DNAI3: variants seen among roughly 807,000 people sequenced by gnomAD.
DNAI3 encodes the protein dynein axonemal intermediate chain 3, also known as WD repeat domain 63.
In DNAI3, 83 loss-of-function variants were observed where a neutral mutation model predicts 115.5. The observed-to-expected ratio is 0.72, with a 90% confidence interval of 0.60 to 0.86. The LOEUF is 0.86. DNAI3 is among the 40% of genes least tolerant of loss of function. DNAI3 has a pLI of 0.00. For synonymous variants in DNAI3, 320 were observed against 347.0 expected (o/e 0.92, Z 0.86); for missense variants, 1,004 against 1,075.8 (o/e 0.93, Z 0.93).
chr1:85,083,074 A>G (rs1343864441), intron 5 of DNAI3, among the ~76,000 whole-genome samples: 1 of 152,196 alleles, frequency 6.6e-6, no homozygotes, highest in East Asian at 1.9e-4. Context: ...CCAATCTTCC[A>G]TTCCTGTTTG....
At chr1:85,111,515 G>C (rs1655661846) in intron 16 of DNAI3, among the ~76,000 whole-genome samples, 1 of 152,192 alleles carries the variant, frequency 6.6e-6, no homozygotes, top group Admixed American at 6.5e-5. Flanking sequence ...CTAGGCCCCA[G>C]GGGTACGATG....
chr1:85,113,140 G>T (rs1655707051), intron 16 of DNAI3, among the ~76,000 whole-genome samples: 1 of 152,168 alleles, frequency 6.6e-6, no homozygotes, highest in Admixed American at 6.5e-5. Context: ...CTCAGGACTA[G>T]TGATATGTGA....
At chr1:85,085,240 A>G (rs1348449632) in intron 6 of DNAI3, among the ~76,000 whole-genome samples, 1 of 152,176 alleles carries the variant, frequency 6.6e-6, no homozygotes, top group African/African-American at 2.4e-5. Flanking sequence ...AGCCTCCACA[A>G]CTGTAAGAGA....
chr1:85,073,085 G>T lies in DNAI3; in HGVS notation c.96G>T (p.Glu32Asp). ...ASEDMEPVNM[E>D]SMGHPEIYPL... ...AAGACATGGAACCAGTAAATATGGA[G>T]AGCATGGGTAAGTGGAAATATAATT... is the stretch of plus-strand genomic sequence containing the variant. The change falls in exon 3 of 23, where the codon GAG becomes GAT. Residue 32 changes from glutamate (E) to aspartate (D), a missense_variant. This residue lies in a region of DNAI3 where 550 missense variants were observed against 568.1 expected (regional missense o/e 0.97). Coordinates refer to ENST00000294664, the MANE Select transcript of DNAI3 (RefSeq NM_145172.5). The T allele has an allele frequency of 6.5e-7, 1 of 1,546,680 alleles. No homozygotes were observed. The highest frequency in any genetic ancestry group is 8.7e-7 in the Non-Finnish European group (1 of 1,144,718).
intron 22 of DNAI3, among the ~76,000 whole-genome samples, chr1:85,131,801 A>G (rs996524594): frequency 2.6e-5 from 4 of 152,372 alleles, no homozygotes; most frequent in East Asian, 1.9e-4. Flanking sequence ...CTAATTATCT[A>G]CATCAGTGGG....
chr1:85,087,434 CAAAAAAA>C (rs1162431713), intron 7 of DNAI3, among the ~76,000 whole-genome samples: 7 of 46,662 alleles, frequency 1.5e-4, no homozygotes, highest in African/African-American at 4.3e-4. Context: ...GACTCCATCT[CAAAAAAA>C]AAAAAAAAAA....
chr1:85,068,961 G>C (rs1654181762), intron 1 of DNAI3, among the ~76,000 whole-genome samples: 1 of 152,210 alleles, frequency 6.6e-6, no homozygotes, highest in Non-Finnish European at 1.5e-5. Flanking sequence ...AATAAGGCCT[G>C]CTTCTTCAGC....
chr1:85,117,688 C>G (rs764499267), intron 16 of DNAI3, 41 bp from the exon 17 acceptor site: 2 of 1,598,974 alleles, frequency 1.3e-6, no homozygotes, highest in Admixed American at 3.4e-5. Context: ...AAGATGTTTC[C>G]CTGTAAATAT....
intron 1 of DNAI3, among the ~76,000 whole-genome samples, chr1:85,067,548 A>G (rs1654135904): frequency 6.6e-6 from 1 of 152,224 alleles, no homozygotes; most frequent in African/African-American, 2.4e-5. Flanking sequence ...GTTTAATTCT[A>G]CGGCAGCACT....
chr1:85,104,504 C>T lies in DNAI3; in HGVS notation c.1480-20C>T. On this transcript the variant is annotated intron_variant, in intron 13 of 22. Transcript: ENST00000294664. ...CTATGAGAAAAACAATTTTATTTCT[C>T]TTTCATTTTTGAAAAATAGATTAAC... The T allele has an allele frequency of 6.2e-7, 1 of 1,604,466 alleles. No homozygotes were observed. The highest frequency in any genetic ancestry group is 8.5e-7 in the Non-Finnish European group (1 of 1,172,014).
rs771857783 is a variant in DNAI3, at chr1:85,117,721, T to C, written c.1787-8T>C. The C allele has an allele frequency of 1.7e-5, 28 of 1,612,802 alleles. No homozygotes were observed. The highest frequency in any genetic ancestry group is 2.3e-5 in the Non-Finnish European group (27 of 1,179,090). ...TATGTACTTCTTCTACCCACACTCC[T>C]CTGAAAGACAAAATGTTAGCACAGA... On this transcript the variant is annotated splice_region_variant and splice_polypyrimidine_tract_variant and intron_variant, in intron 16 of 22. Transcript: ENST00000294664.
At chr1:85,125,289 C>T (rs1656099623) in intron 19 of DNAI3, among the ~76,000 whole-genome samples, 1 of 151,774 alleles carries the variant, frequency 6.6e-6, no homozygotes, top group East Asian at 1.9e-4. Context: ...CTTTGAAATA[C>T]ATGTGTGTAT....
intron 3 of DNAI3, among the ~76,000 whole-genome samples, chr1:85,075,032 G>A (rs1416648108): frequency 6.6e-6 from 1 of 152,056 alleles, no homozygotes; most frequent in East Asian, 1.9e-4. Flanking sequence ...ATCACAATTT[G>A]TATTTACTTA....
At chr1:85,081,546 C>T (rs369250130) in intron 4 of DNAI3, 131 bp downstream of exon 4, 21 of 704,102 alleles carry the variant, frequency 3.0e-5, no homozygotes, top group Non-Finnish European at 4.5e-5. Context: ...TTGCCCACCC[C>T]TCCTTGGGAA....
At chr1:85,090,287 A>T in intron 8 of DNAI3, 55 bp downstream of exon 8, 4 of 1,006,626 alleles carry the variant, frequency 4.0e-6, no homozygotes, top group Non-Finnish European at 5.7e-6. Flanking sequence ...ATATGTTTAC[A>T]TAGAATAACA....
At chr1:85,119,538 T>C (rs1316926002) in intron 17 of DNAI3, among the ~76,000 whole-genome samples, 1 of 152,198 alleles carries the variant, frequency 6.6e-6, no homozygotes, top group East Asian at 1.9e-4. Context: ...AATTAAAGCA[T>C]GACACCCCCT....
At chr1:85,072,661 T>TA (rs34626078) in intron 2 of DNAI3, among the ~76,000 whole-genome samples, 73,129 of 128,614 alleles carry the variant, frequency 0.57, 18,821 homozygotes, top group Middle Eastern at 0.67. Context: ...AAAAGAAAAA[T>TA]AAAAAAAAGA....
chr1:85,094,176 C>A, intron 9 of DNAI3: 1 of 502,262 alleles, frequency 2.0e-6, no homozygotes, highest in Non-Finnish European at 3.6e-6. Context: ...ATTTTCTTTT[C>A]TTCCAAAATC....
chr1:85,082,453 T>A, intron 5 of DNAI3, 49 bp downstream of exon 5: 1 of 1,487,590 alleles, frequency 6.7e-7, no homozygotes, highest in Non-Finnish European at 9.3e-7. Context: ...GTTGTGGTTG[T>A]GGTTGTTTTT....
Sources: allele counts gnomAD v4.1 joint callset (sites outside exome capture counted in the v4.1 genomes callset), GRCh38; gene constraint gnomAD v4.1.1; regional missense constraint gnomAD v4.1.1; transcripts MANE v1.5; gene names NCBI Gene and HGNC (gene_info 2026-07-23, HGNC 2026-07-21).